DMD: variants seen among roughly 807,000 people sequenced by gnomAD.
DMD encodes mutant dystrophin.
DMD carries 63 observed loss-of-function variants against 330.1 expected under a neutral mutation model. The observed-to-expected ratio is 0.19, with a 90% CI of 0.16 to 0.24. DMD has a LOEUF of 0.24. DMD is among the 10% of genes least tolerant of loss of function. DMD has a pLI of 1.00. For missense variants in DMD, 3,344 were observed against 2,684.1 expected, an observed-to-expected ratio of 1.25 and a Z score of -5.43; for synonymous variants, 1,223 against 959.8, an observed-to-expected ratio of 1.27 and a Z score of -5.07.
rs1004158945 is a variant in DMD at position 32,869,429 on chromosome X, G to T, written c.94-19609C>A. 8.1e-5 allele frequency among the ~76,000 whole-genome samples: 9 copies of T among 110,867 alleles called. No individual in the cohort carries two copies. In the Admixed American group the frequency reaches 8.7e-4, roughly 11 times the overall value. ...GCTGAATTGACAGAAGTAGGCTTCA[G>T]AAGATGAGTAATAACGAACTTTACT... On this transcript the variant is annotated intron_variant, in intron 2 of 78. Coordinates refer to ENST00000357033, the MANE Select transcript of DMD (RefSeq NM_004006.3).
At chrX:33,120,920 G>T (rs996066025) in intron 1 of DMD, among the ~76,000 whole-genome samples, 1 of 105,689 alleles carries the variant, frequency 9.5e-6, no homozygotes, top group Non-Finnish European at 1.9e-5. Flanking sequence ...TTTTAAAGGG[G>T]TTATTATTAG....
At position 32,757,134 on chromosome X, in the gene DMD, A is replaced by G. The variant is rs189861595; in HGVS notation, c.649+52359T>C. 4.1e-3 allele frequency among the ~76,000 whole-genome samples: 461 copies of G among 111,791 alleles called. 5 individuals are homozygous for G. The highest frequency in any genetic ancestry group is 0.027 in the Admixed American group (289 of 10,511). On this transcript the variant is annotated intron_variant, in intron 7 of 78. Transcript: ENST00000357033. ...GGCATATACATTTAAAAATGGCTCA[A>G]TCAAGCCAATTGATATATCCATTAC...
chrX:32,770,559 G>T (rs1433445947), intron 7 of DMD, among the ~76,000 whole-genome samples: 1 of 111,296 alleles, frequency 9.0e-6, no homozygotes, highest in Non-Finnish European at 1.9e-5. Flanking sequence ...AATTTTGAAA[G>T]CAATATAAAT....
chrX:31,919,969 A>G (rs149252131), intron 47 of DMD, among the ~76,000 whole-genome samples: 4,697 of 112,171 alleles, frequency 0.042, 87 homozygotes, highest in Non-Finnish European at 0.068. Flanking sequence ...TCCATGGTTC[A>G]CTGGCCCCAG....
chrX:32,593,374 A>G (rs1043977115), intron 13 of DMD, among the ~76,000 whole-genome samples: 1 of 112,598 alleles, frequency 8.9e-6, no homozygotes, highest in Admixed American at 9.4e-5. Flanking sequence ...AATAAGTTGC[A>G]TCCATTCTTT....
At chrX:32,132,921 A>T (rs774267454) in intron 44 of DMD, among the ~76,000 whole-genome samples, 1 of 109,467 alleles carries the variant, frequency 9.1e-6, no homozygotes, top group African/African-American at 3.4e-5. Flanking sequence ...TTTTGAAAAT[A>T]GAACGTCAGT....
chrX:32,718,526 T>A (rs1039367984), intron 7 of DMD, among the ~76,000 whole-genome samples: 1 of 111,934 alleles, frequency 8.9e-6, no homozygotes, highest in Non-Finnish European at 1.9e-5. Context: ...TATAGCAATG[T>A]GAGAACGGAC....
chrX:32,632,915 C>A (rs1398871527), intron 11 of DMD, among the ~76,000 whole-genome samples: 3 of 112,478 alleles, frequency 2.7e-5, no homozygotes, highest in African/African-American at 9.7e-5. Flanking sequence ...GCTATCAGCA[C>A]TTGCCTTCTT....
At chrX:32,937,222 A>G (rs2090083730) in intron 2 of DMD, among the ~76,000 whole-genome samples, 1 of 110,441 alleles carries the variant, frequency 9.1e-6, no homozygotes, top group African/African-American at 3.3e-5. Context: ...GCAAGAGAGA[A>G]CTGTCCAGCA....
intron 4 of DMD, among the ~76,000 whole-genome samples, chrX:32,834,718 T>C (rs1391684801): frequency 8.9e-6 from 1 of 112,029 alleles, no homozygotes; most frequent in African/African-American, 3.2e-5. Context: ...ACTTACCACC[T>C]TGTGATAGAC....
chrX:32,199,354 T>C (rs143694255), intron 44 of DMD, among the ~76,000 whole-genome samples: 106 of 111,372 alleles, frequency 9.5e-4, no homozygotes, highest in African/African-American at 3.3e-3. Flanking sequence ...CACTGACAGT[T>C]TTGAACACTC....
chrX:33,270,989 T>C (rs913935894), intron 1 of DMD, among the ~76,000 whole-genome samples: 3 of 111,728 alleles, frequency 2.7e-5, no homozygotes, highest in Non-Finnish European at 3.8e-5. Context: ...CAAAGAACTA[T>C]TTATAACCCT....
At chrX:31,222,858 G>A (rs903542799) in intron 64 of DMD, among the ~76,000 whole-genome samples, 189 bp downstream of exon 64, 2 of 112,218 alleles carry the variant, frequency 1.8e-5, no homozygotes, top group African/African-American at 6.5e-5. Flanking sequence ...TGACAGGAAT[G>A]ATTCTAAAAA....
intron 47 of DMD, among the ~76,000 whole-genome samples, chrX:31,891,918 T>C (rs2094258605): frequency 8.9e-6 from 1 of 112,103 alleles, no homozygotes; most frequent in Non-Finnish European, 1.9e-5. Context: ...AACTTTTAAA[T>C]GCAGTATCCA....
chrX:32,609,605 T>C (rs2057005594), intron 12 of DMD, among the ~76,000 whole-genome samples: 1 of 111,375 alleles, frequency 9.0e-6, no homozygotes, highest in South Asian at 3.7e-4. Context: ...AATCCTTCTC[T>C]GTAACATGAA....
At chrX:32,051,190 T>A (rs12395345) in intron 44 of DMD, among the ~76,000 whole-genome samples, 29,056 of 108,640 alleles carry the variant, frequency 0.27, 3,140 homozygotes, top group East Asian at 0.37. Flanking sequence ...ACATAAAGTA[T>A]AGGTTAGACA....
rs138055106 is a variant in DMD, at chrX:31,755,110, G to A, written c.7542+18850C>T. 8.2e-3 allele frequency among the ~76,000 whole-genome samples: 857 copies of A among 104,120 alleles called. 7 individuals carry two copies. The highest frequency in any genetic ancestry group is 0.028 in the African/African-American group (798 of 28,508). 90.4% of individuals were successfully genotyped at this position (104,120 alleles called of 115,157 possible). On this transcript the variant is annotated intron_variant, in intron 51 of 78. Transcript: ENST00000357033. ...ATTTAATCAGAAAGGCCAGTCTCCT[G>A]GGGTGGGTTCTACCAGCATTTGAAC...
intron 34 of DMD, among the ~76,000 whole-genome samples, chrX:32,380,148 A>G (rs982456791): frequency 3.6e-5 from 4 of 111,652 alleles, no homozygotes; most frequent in South Asian, 3.7e-4. Flanking sequence ...ACTGTCTTCA[A>G]TCTCTGTGTC....
At chrX:31,929,174 C>T (rs1382955297) in intron 47 of DMD, among the ~76,000 whole-genome samples, 5 of 111,590 alleles carry the variant, frequency 4.5e-5, no homozygotes, top group African/African-American at 1.6e-4. Context: ...TTGTGGCGAA[C>T]GTTAGTGTAC....
Sources: gnomAD v4.1 joint callset for allele counts (sites outside exome capture counted in the v4.1 genomes callset) on GRCh38, gnomAD v4.1.1 for gene constraint, MANE v1.5 for transcripts, NCBI Gene and HGNC (gene_info 2026-07-23, HGNC 2026-07-21) for gene names.